The following RASSF8 variants were observed in gnomAD, a reference collection of about 807,000 sequenced individuals.
RASSF8 encodes ras association domain-containing protein 8.
In RASSF8, 22 loss-of-function variants were observed where a neutral mutation model predicts 48.5. The ratio of observed to expected loss-of-function variants is 0.45; its 90% CI spans 0.32 to 0.65. The LOEUF (loss-of-function observed/expected upper bound fraction) is 0.65. RASSF8 is among the 30% of genes least tolerant of loss of function. The probability of loss-of-function intolerance (pLI) is 0.03; values close to 1 mark genes in which losing one functional copy is unlikely to be tolerated. For missense variants in RASSF8, 418 were observed against 489.2 expected (o/e 0.85, Z 1.37); for synonymous variants, 127 against 171.5 (o/e 0.74, Z 2.03).
intron 2 of RASSF8, among the ~76,000 whole-genome samples, chr12:26,009,148 C>T (rs1297474799): frequency 6.6e-6 from 1 of 152,152 alleles, no homozygotes; most frequent in Non-Finnish European, 1.5e-5. Context: ...TCCAAGCTCA[C>T]CGACGTGTTA....
intron 1 of RASSF8, among the ~76,000 whole-genome samples, chr12:25,962,068 A>C (rs1034260874): frequency 6.6e-6 from 1 of 152,202 alleles, no homozygotes; most frequent in Admixed American, 6.5e-5. Context: ...AAAAAAAGAA[A>C]AAGTATTTGC....
chr12:25,968,356 T>G (rs1050124618), intron 1 of RASSF8, among the ~76,000 whole-genome samples: 8 of 152,220 alleles, frequency 5.3e-5, no homozygotes, highest in Admixed American at 1.3e-4. Context: ...TTTATTTATT[T>G]TTTTGAGACA....
rs1037622411 is a variant in RASSF8, at chr12:26,023,778, T to TA, written c.-109+28655dup. On this transcript the variant is annotated intron_variant, in intron 2 of 5. Coordinates refer to ENST00000689635, the MANE Select transcript of RASSF8 (RefSeq NM_001394098.1). ...TAGTAACTGATTTTAAAAGAAATTA[T>TA]AAAAAAAGTATAGATTTGATTGTTG... 7.2e-5 allele frequency among the ~76,000 whole-genome samples: 11 copies of TA among 152,202 alleles called. No individual in the cohort carries two copies. The South Asian group carries it at 1.0e-3, about 14-fold the overall frequency.
At chr12:25,971,296 G>A (rs758467914) in intron 1 of RASSF8, among the ~76,000 whole-genome samples, 13 of 152,106 alleles carry the variant, frequency 8.5e-5, no homozygotes, top group Non-Finnish European at 1.6e-4. Flanking sequence ...GTGGGGCCCT[G>A]GGGAGCCCCT....
intron 2 of RASSF8, among the ~76,000 whole-genome samples, chr12:26,019,137 C>G (rs1495659): frequency 6.6e-6 from 1 of 152,158 alleles, no homozygotes. Context: ...TGGAGAGTGT[C>G]TCTATTATGA....
chr12:25,967,490 C>T (rs978127929), intron 1 of RASSF8, among the ~76,000 whole-genome samples: 2 of 151,904 alleles, frequency 1.3e-5, no homozygotes, highest in African/African-American at 4.8e-5. Flanking sequence ...GTGTTTCTTC[C>T]CCTGTTGTAT....
intron 1 of RASSF8, among the ~76,000 whole-genome samples, chr12:25,986,232 T>G (rs1941871730): frequency 6.6e-6 from 1 of 152,070 alleles, no homozygotes; most frequent in Non-Finnish European, 1.5e-5. Flanking sequence ...TAGATCTTCT[T>G]CCTCCAGGCT....
chr12:25,961,777 A>G (rs1037767912), intron 1 of RASSF8, among the ~76,000 whole-genome samples: 1 of 152,158 alleles, frequency 6.6e-6, no homozygotes, highest in African/African-American at 2.4e-5. Context: ...GGTCACTCAA[A>G]CTTTCAAACT....
Position 26,070,257 on chromosome 12 carries a change from T to C in RASSF8, c.*1439T>C, listed in dbSNP as rs567341349. 1.0e-6 allele frequency: 1 copy of C among 984,142 alleles called. No homozygotes were observed. The highest frequency in any genetic ancestry group is 1.1e-4 in the East Asian group (1 of 8,812). 61.0% of individuals were successfully genotyped at this position (984,142 alleles called of 1,614,324 possible). ...ATGGTAACAATAGAGCTATGTCTTATGCATGAAGGCAACTTTGGATGTTTT... is the reference window on the plus strand; with the variant it reads ...ATGGTAACAATAGAGCTATGTCTTACGCATGAAGGCAACTTTGGATGTTTT... On this transcript the variant is annotated 3_prime_UTR_variant, in exon 6 of 6. Coordinates refer to ENST00000689635, the MANE Select transcript of RASSF8 (RefSeq NM_001394098.1).
At chr12:26,020,350 C>A (rs537389658) in intron 2 of RASSF8, 1 of 152,198 alleles carries the variant, frequency 6.6e-6, no homozygotes, top group East Asian at 1.9e-4. Context: ...AGCTTCTGAC[C>A]CCCAGAACTA....
intron 2 of RASSF8, among the ~76,000 whole-genome samples, chr12:26,036,066 G>A (rs952715761): frequency 2.0e-5 from 3 of 151,174 alleles, no homozygotes; most frequent in African/African-American, 7.3e-5. Flanking sequence ...CTTCATTTTA[G>A]CTTTTTTCTT....
In RASSF8 at chr12:25,989,769, T is replaced by C. The variant is rs116711489; in HGVS notation, c.-202-5268T>C. On this transcript the variant is annotated intron_variant, in intron 1 of 5. Coordinates refer to ENST00000689635, the MANE Select transcript of RASSF8 (RefSeq NM_001394098.1). ...CCTTATGGTTTATGGATCAGTTTAT[T>C]AGGTCAAGGGTGTGGTGGGGCATGG... Among the ~76,000 whole-genome samples the C allele has an allele frequency of 3.6e-3, 550 of 152,316 alleles. 2 individuals carry two copies. The highest frequency in any genetic ancestry group is 0.013 in the African/African-American group (521 of 41,558).
chr12:26,051,161 T>C (rs533088625), intron 2 of RASSF8, among the ~76,000 whole-genome samples: 1 of 152,352 alleles, frequency 6.6e-6, no homozygotes, highest in Admixed American at 6.5e-5. Flanking sequence ...TTTTCTCATA[T>C]TGAAATGAGA....
intron 2 of RASSF8, among the ~76,000 whole-genome samples, chr12:26,031,592 G>A (rs1943031783): frequency 6.6e-6 from 1 of 152,168 alleles, no homozygotes; most frequent in Non-Finnish European, 1.5e-5. Flanking sequence ...ATAAGGACCT[G>A]AGATGATAAA....
At chr12:26,049,982 C>T (rs1278001096) in intron 2 of RASSF8, among the ~76,000 whole-genome samples, 5 of 152,098 alleles carry the variant, frequency 3.3e-5, no homozygotes, top group East Asian at 3.9e-4. Context: ...GACAGGGTTT[C>T]GTGTGTTAGT....
intron 2 of RASSF8, among the ~76,000 whole-genome samples, chr12:26,054,449 A>G (rs1238417619): frequency 6.6e-6 from 1 of 152,216 alleles, no homozygotes; most frequent in Non-Finnish European, 1.5e-5. Context: ...AACTCTTGTA[A>G]TTTAAGAAAA....
chr12:26,057,727 A>G (rs1275356743), intron 3 of RASSF8, among the ~76,000 whole-genome samples: 1 of 152,228 alleles, frequency 6.6e-6, no homozygotes, highest in Non-Finnish European at 1.5e-5. Context: ...TGGTTGAACT[A>G]GTTTACAGTC....
intron 1 of RASSF8, among the ~76,000 whole-genome samples, chr12:25,972,948 T>G (rs1341656937): frequency 1.3e-5 from 2 of 152,204 alleles, no homozygotes; most frequent in Non-Finnish European, 2.9e-5. Context: ...TCATACAACA[T>G]GTACTCTTTG....
At chr12:26,063,537 C>T (rs948493500) in intron 3 of RASSF8, among the ~76,000 whole-genome samples, 2 of 152,084 alleles carry the variant, frequency 1.3e-5, no homozygotes, top group African/African-American at 2.4e-5. Flanking sequence ...GCTAGGACTA[C>T]GGTGCACAGC....
Sources: gnomAD v4.1 joint callset for allele counts (sites outside exome capture counted in the v4.1 genomes callset) on GRCh38, gnomAD v4.1.1 for gene constraint, MANE v1.5 for transcripts, NCBI Gene and HGNC (gene_info 2026-07-23, HGNC 2026-07-21) for gene names.